The following DMD variants were observed in gnomAD, a reference collection of about 807,000 sequenced individuals.
The protein encoded by DMD is mutant dystrophin.
Under a neutral mutation model 330.1 loss-of-function variants are expected in DMD, and 63 were observed. That is an observed-to-expected ratio of 0.19 (90% CI 0.16 to 0.24). DMD has a LOEUF of 0.24. Ranked by LOEUF, DMD falls within the 10% of genes least tolerant of loss-of-function variation. DMD has a pLI of 1.00. For synonymous variants in DMD, 1,223 were observed against 959.8 expected, an observed-to-expected ratio of 1.27 and a Z score of -5.07; for missense variants, 3,344 against 2,684.1, an observed-to-expected ratio of 1.25 and a Z score of -5.43.
At position 31,689,652 on chromosome X, in the gene DMD, A is replaced by G. The variant is rs779272668; in HGVS notation, c.7661-10066T>C. Among the ~76,000 whole-genome samples the G allele has an allele frequency of 1.6e-3, 173 of 111,203 alleles. 1 individual carries two copies. Among genetic ancestry groups the G allele is most frequent in the African/African-American group, 5.1e-3 (155 of 30,559 alleles). On this transcript the variant is annotated intron_variant, in intron 52 of 78. Coordinates refer to ENST00000357033, the MANE Select transcript of DMD (RefSeq NM_004006.3). ...TTCATATGGAACCAAAAAAGAGCCC[A>G]CATTGCCAAGACAATCCTGAGCCAA...
chrX:32,594,996 G>C (rs986359648), intron 13 of DMD, among the ~76,000 whole-genome samples: 1 of 111,583 alleles, frequency 9.0e-6, no homozygotes. Context: ...TTAGATACTA[G>C]TCTAGATTAT....
intron 59 of DMD, among the ~76,000 whole-genome samples, chrX:31,453,065 T>C (rs181692879): frequency 8.9e-6 from 1 of 112,008 alleles, no homozygotes; most frequent in South Asian, 3.7e-4. Flanking sequence ...AAAGAAGATA[T>C]AGAAATGAGT....
intron 1 of DMD, among the ~76,000 whole-genome samples, chrX:33,158,531 G>T (rs2048615890): frequency 9.0e-6 from 1 of 111,644 alleles, no homozygotes; most frequent in Non-Finnish European, 1.9e-5. Flanking sequence ...CACTGGGCAT[G>T]CTCAGAATAG....
intron 44 of DMD, among the ~76,000 whole-genome samples, chrX:32,197,675 A>G (rs1402742670): frequency 8.9e-6 from 1 of 111,917 alleles, no homozygotes; most frequent in Non-Finnish European, 1.9e-5. Context: ...TGTTCTTCAC[A>G]TTTTATTTAT....
intron 54 of DMD, among the ~76,000 whole-genome samples, chrX:31,645,296 A>C: frequency 9.1e-6 from 1 of 110,138 alleles, no homozygotes; most frequent in Middle Eastern, 4.6e-3. Context: ...GGGAAGTCTC[A>C]GGAAAAAAAA....
chrX:32,721,566 T>C (rs1350774926), intron 7 of DMD, among the ~76,000 whole-genome samples: 2 of 111,233 alleles, frequency 1.8e-5, no homozygotes, highest in African/African-American at 6.5e-5. Flanking sequence ...TTTGTCACTA[T>C]GGAATTGTGC....
chrX:32,723,506 T>G (rs1215555013), intron 7 of DMD, among the ~76,000 whole-genome samples: 1 of 111,549 alleles, frequency 9.0e-6, no homozygotes, highest in Non-Finnish European at 1.9e-5. Context: ...AAATTACTCT[T>G]TAAATGTTTG....
At chrX:31,178,044 A>G in intron 70 of DMD, 74 bp from the exon 71 acceptor site, 1 of 1,107,638 alleles carries the variant, frequency 9.0e-7, no homozygotes, top group South Asian at 1.9e-5. Flanking sequence ...TGAAAGGTCA[A>G]AATAAATAAA....
rs765246595 is a variant in DMD, at chrX:32,959,340, C to G, written c.93+60799G>C. Among the ~76,000 whole-genome samples, 29 of 111,326 alleles carry G rather than the reference C, an allele frequency of 2.6e-4. 1 individual carries two copies. The Admixed American group carries it at 2.7e-3, about 10-fold the overall frequency. On this transcript the variant is annotated intron_variant, in intron 2 of 78. Coordinates refer to ENST00000357033, the MANE Select transcript of DMD (RefSeq NM_004006.3). ...TCTTAATAGCTACATTCTGATGACC[C>G]TAGATCCAGGGACTCTTCTCATCCA...
chrX:32,948,221 C>A (rs979097767), intron 2 of DMD, among the ~76,000 whole-genome samples: 1 of 110,674 alleles, frequency 9.0e-6, no homozygotes, highest in African/African-American at 3.3e-5. Flanking sequence ...ACTCTCTACC[C>A]TCTGTTAATA....
chrX:32,354,567 ATTC>A (rs2147129973), intron 37 of DMD, among the ~76,000 whole-genome samples: 2 of 111,963 alleles, frequency 1.8e-5, no homozygotes, highest in East Asian at 5.6e-4. Context: ...AAACTTATTT[ATTC>A]TATTATTTTA....
At chrX:32,764,758 T>C (rs1285617436) in intron 7 of DMD, among the ~76,000 whole-genome samples, 2 of 111,712 alleles carry the variant, frequency 1.8e-5, no homozygotes, top group Non-Finnish European at 3.8e-5. Context: ...GGTGTACAAA[T>C]ATATTTTGAA....
At chrX:33,060,660 C>T (rs1460775829) in intron 1 of DMD, among the ~76,000 whole-genome samples, 1 of 109,602 alleles carries the variant, frequency 9.1e-6, no homozygotes, top group East Asian at 2.9e-4. Context: ...TAGTGAAACC[C>T]CTTTCTCTAC....
intron 7 of DMD, among the ~76,000 whole-genome samples, chrX:32,785,687 G>C (rs1416424342): frequency 1.8e-5 from 2 of 111,173 alleles, no homozygotes; most frequent in Non-Finnish European, 1.9e-5. Flanking sequence ...TCATCTTATA[G>C]TCCCTTAATA....
At chrX:31,284,649 A>G (rs1456513123) in intron 62 of DMD, among the ~76,000 whole-genome samples, 2 of 95,847 alleles carry the variant, frequency 2.1e-5, no homozygotes, top group Non-Finnish European at 4.1e-5. Context: ...TTGACTAGGC[A>G]GGTCTTGAAC....
intron 48 of DMD, among the ~76,000 whole-genome samples, chrX:31,869,156 T>C (rs2149650870): frequency 8.9e-6 from 1 of 111,735 alleles, no homozygotes; most frequent in African/African-American, 3.2e-5. Context: ...CTTATTCAGC[T>C]TGTGATTCTT....
At chrX:31,319,599 A>C (rs1222154520) in intron 62 of DMD, among the ~76,000 whole-genome samples, 1 of 112,468 alleles carries the variant, frequency 8.9e-6, no homozygotes, top group Non-Finnish European at 1.9e-5. Context: ...GATGTATCCG[A>C]ATTTTTAAGG....
At chrX:32,379,050 A>T (rs944076916) in intron 34 of DMD, among the ~76,000 whole-genome samples, 3 of 110,629 alleles carry the variant, frequency 2.7e-5, no homozygotes, top group Non-Finnish European at 3.8e-5. Flanking sequence ...TAAAAAAAAA[A>T]AAAAGTTCTG....
At chrX:32,598,318 A>G (rs921581831) in intron 12 of DMD, among the ~76,000 whole-genome samples, 3 of 111,863 alleles carry the variant, frequency 2.7e-5, no homozygotes, top group Non-Finnish European at 5.6e-5. Flanking sequence ...CCAAAAATGG[A>G]AACATTAAAA....
Sources: gnomAD v4.1 joint callset for allele counts (sites outside exome capture counted in the v4.1 genomes callset) on GRCh38, gnomAD v4.1.1 for gene constraint, MANE v1.5 for transcripts, NCBI Gene and HGNC (gene_info 2026-07-23, HGNC 2026-07-21) for gene names.